Variants in NID1 observed in about 807,000 individuals in gnomAD.
NID1 encodes nidogen-1.
Under a neutral mutation model 130.6 loss-of-function variants are expected in NID1, and 76 were observed. The observed-to-expected ratio is 0.58, with a 90% CI of 0.48 to 0.70. NID1 has a LOEUF of 0.70. Ranked by LOEUF, NID1 falls within the 30% of genes least tolerant of loss-of-function variation. The pLI, the probability that NID1 is intolerant of heterozygous loss-of-function variation, is 0.00. For missense variants in NID1, 1,517 were observed against 1,664.8 expected (o/e 0.91, Z 1.54); for synonymous variants, 665 against 675.1 (o/e 0.98, Z 0.23).
rs1489766453 is a variant in NID1 at position 235,993,661 on chromosome 1, G to C, written c.2739C>G (p.Pro913=). The change falls in exon 13 of 20, where the codon CCC becomes CCG. Residue 913 remains proline, a synonymous_variant. Transcript: ENST00000264187. ...GREVEGTRTR[P]GMTPPCLSTV... ...CCCACTTACACGGGGGCGTCATCCC[G>C]GGCCTGGTCCTGGTGCCCTCCACCT... 6.4e-7 allele frequency: 1 copy of C among 1,559,870 alleles called. No individual in the cohort carries two copies. Among genetic ancestry groups the C allele is most frequent in the East Asian group, 2.4e-5 (1 of 42,034 alleles).
intron 1 of NID1, among the ~76,000 whole-genome samples, chr1:236,054,652 T>TA (rs1411479302): frequency 6.6e-6 from 1 of 152,132 alleles, no homozygotes; most frequent in African/African-American, 2.4e-5. Context: ...TAAAGAATTT[T>TA]TTTTTTTGAG....
chr1:236,030,756 T>C (rs1008591269), intron 6 of NID1, among the ~76,000 whole-genome samples: 2 of 152,248 alleles, frequency 1.3e-5, no homozygotes, highest in African/African-American at 4.8e-5. Flanking sequence ...ATCTCAAAGA[T>C]AACACAGGAC....
At chr1:236,042,505 C>T (rs1270643345) in intron 3 of NID1, among the ~76,000 whole-genome samples, 6 of 152,164 alleles carry the variant, frequency 3.9e-5, no homozygotes, top group African/African-American at 1.4e-4. Context: ...CAAATGGGCA[C>T]AATACTAGCA....
Position 235,979,878 on chromosome 1 carries a change from C to T in NID1, c.3453G>A (p.Gln1151=). 6.2e-7 allele frequency: 1 copy of T among 1,614,174 alleles called. No individual in the cohort carries two copies. Among genetic ancestry groups the T allele is most frequent in the Non-Finnish European group, 8.5e-7 (1 of 1,179,996 alleles). ...CGTAGCTCGTCACAGCAAAAGGATA[C>T]TGGAGCCCTTCGAGAGCCTTGCGTC... The part of the protein sequence containing the change: ...PSRRKALEGL[Q]YPFAVTSYGK... The change falls in exon 18 of 20, where the codon CAG becomes CAA. Residue 1151 remains glutamine (Q), a synonymous_variant. Transcript: ENST00000264187. This position sits in a 1 kb window ranked among gnomAD's most constrained non-coding sequence, Gnocchi z 4.6.
At chr1:236,025,053 C>T (rs756267318) in intron 8 of NID1, among the ~76,000 whole-genome samples, 1 of 151,416 alleles carries the variant, frequency 6.6e-6, no homozygotes, top group Non-Finnish European at 1.5e-5. Context: ...CAGGTTCAAG[C>T]GATTTTCCTG....
intron 5 of NID1, among the ~76,000 whole-genome samples, chr1:236,035,161 A>G (rs1300819025): frequency 1.0e-5 from 1 of 100,056 alleles, no homozygotes; most frequent in Non-Finnish European, 1.9e-5. Flanking sequence ...ACCCCACCAC[A>G]GTCCCCAGAG....
chr1:236,037,240 C>T (rs879402590), intron 5 of NID1, among the ~76,000 whole-genome samples: 3 of 152,182 alleles, frequency 2.0e-5, no homozygotes, highest in Non-Finnish European at 4.4e-5. Flanking sequence ...ACTGTAACCA[C>T]GCTATGACTT....
At chr1:236,059,549 A>T (rs559245137) in intron 1 of NID1, among the ~76,000 whole-genome samples, 20 of 152,326 alleles carry the variant, frequency 1.3e-4, no homozygotes, top group African/African-American at 4.6e-4. Context: ...AACTTGCCTA[A>T]GATCAAACAC....
In NID1 at chr1:235,991,558, C is replaced by G. The variant is rs536971317; in HGVS notation, c.2756-500G>C. ...ATGTTGGCCAGGCTGGTCTCGAACT[C>G]CTGACCTCAAGTGGTCTGCCCACCT... On this transcript the variant is annotated intron_variant, in intron 13 of 19. Coordinates refer to ENST00000264187, the MANE Select transcript of NID1 (RefSeq NM_002508.3). Among the ~76,000 whole-genome samples the G allele has an allele frequency of 3.5e-4, 54 of 152,252 alleles. 1 individual carries two copies. The highest frequency in any genetic ancestry group is 3.4e-3 in the Middle Eastern group (1 of 294).
At position 236,061,115 on chromosome 1, in the gene NID1, C is replaced by T. The variant is rs540720268; in HGVS notation, c.225+3740G>A. Among the ~76,000 whole-genome samples the T allele has an allele frequency of 1.9e-3, 294 of 152,236 alleles. 1 individual carries two copies. Among genetic ancestry groups the T allele is most frequent in the African/African-American group, 6.2e-3 (258 of 41,558 alleles). On this transcript the variant is annotated intron_variant, in intron 1 of 19. Coordinates refer to ENST00000264187, the MANE Select transcript of NID1 (RefSeq NM_002508.3). ...TACAGAATATGCCAGCTAATAAATG[C>T]AGAAAGAATGACAGAAACAAGCAAC...
At chr1:236,029,830 G>A in intron 6 of NID1, 80 bp from the exon 7 acceptor site, 4 of 1,419,854 alleles carry the variant, frequency 2.8e-6, no homozygotes, top group Middle Eastern at 1.9e-4. Flanking sequence ...AGTGTGGAGT[G>A]GGGTTGGTGC....
chr1:236,012,104 C>G (rs1658445652), intron 11 of NID1, 61 bp from the exon 12 acceptor site: 1 of 1,584,858 alleles, frequency 6.3e-7, no homozygotes, highest in Non-Finnish European at 8.6e-7. Context: ...GTAGTTTACC[C>G]AATAATTTAA....
chr1:236,057,800 T>G (rs1269273519), intron 1 of NID1, among the ~76,000 whole-genome samples: 1 of 152,108 alleles, frequency 6.6e-6, no homozygotes, highest in African/African-American at 2.4e-5. Flanking sequence ...GAAAACCTCC[T>G]CAAAAAACCT....
At chr1:236,064,108 G>C (rs7534529) in intron 1 of NID1, among the ~76,000 whole-genome samples, 79,480 of 151,954 alleles carry the variant, frequency 0.52, 21,905 homozygotes, top group African/African-American at 0.69. Flanking sequence ...CCACATGGTG[G>C]GCGGCCGAGG....
intron 5 of NID1, among the ~76,000 whole-genome samples, chr1:236,036,889 A>C (rs1424374320): frequency 6.6e-6 from 1 of 152,120 alleles, no homozygotes; most frequent in African/African-American, 2.4e-5. Context: ...GTAAGAAATA[A>C]ATTTTTTTTC....
intron 1 of NID1, among the ~76,000 whole-genome samples, chr1:236,055,490 T>A (rs1187220260): frequency 6.6e-6 from 1 of 151,832 alleles, no homozygotes; most frequent in African/African-American, 2.4e-5. Context: ...GTTTATTTTT[T>A]AAAAACATAT....
intron 12 of NID1, among the ~76,000 whole-genome samples, chr1:236,007,509 A>G (rs1352095379): frequency 6.6e-6 from 1 of 152,230 alleles, no homozygotes; most frequent in Non-Finnish European, 1.5e-5. Context: ...TGGTATCAAC[A>G]GAAGCGATAC....
rs12561915 is a variant in NID1 at position 236,015,325 on chromosome 1, C to A, written c.2255-1765G>T. Among the ~76,000 whole-genome samples, 88 of 152,210 alleles carry A rather than the reference C, an allele frequency of 5.8e-4. No homozygotes were observed. The East Asian group carries it at 0.016, about 27-fold the overall frequency. On this transcript the variant is annotated intron_variant, in intron 10 of 19. Coordinates refer to ENST00000264187, the MANE Select transcript of NID1 (RefSeq NM_002508.3). ...CTCTGCGCAGTGAGTCTCAAAGGAG[C>A]CAATTAAAAGGGGTGAAGATGTTCT...
chr1:236,014,157 G>T (rs558468284), intron 10 of NID1, among the ~76,000 whole-genome samples: 2 of 152,130 alleles, frequency 1.3e-5, no homozygotes, highest in African/African-American at 2.4e-5. Flanking sequence ...TATATACCAG[G>T]TACCATGGGT....
Sources: allele counts gnomAD v4.1 joint callset (sites outside exome capture counted in the v4.1 genomes callset), GRCh38; gene constraint gnomAD v4.1.1; non-coding constraint Gnocchi (gnomAD v3.1); transcripts MANE v1.5; gene names NCBI Gene and HGNC (gene_info 2026-07-23, HGNC 2026-07-21).